TNS4: variants seen among roughly 807,000 people sequenced by gnomAD.
TNS4 encodes the protein tensin 4.
Under a neutral mutation model 70.4 loss-of-function variants are expected in TNS4, and 46 were observed. The ratio of observed to expected loss-of-function variants is 0.65; its 90% CI spans 0.52 to 0.84. The LOEUF (loss-of-function observed/expected upper bound fraction) is 0.84, where lower values mean the gene tolerates loss of function less well. Among genes scored for constraint, TNS4 ranks in the 40% least tolerant of loss-of-function variants. The pLI is 0.00. For missense variants in TNS4, 863 were observed against 907.0 expected (o/e 0.95, Z 0.62); for synonymous variants, 390 against 366.6 (o/e 1.06, Z -0.73).
chr17:40,478,697 G>T (rs978721764), intron 10 of TNS4, 49 bp from the exon 11 acceptor site: 1 of 1,594,434 alleles, frequency 6.3e-7, no homozygotes, highest in Non-Finnish European at 8.6e-7. Context: ...CTGTCCCAGT[G>T]TCATCCTGCC....
intron 2 of TNS4, among the ~76,000 whole-genome samples, chr17:40,489,249 G>C (rs1490623857): frequency 2.0e-5 from 3 of 152,144 alleles, no homozygotes; most frequent in Non-Finnish European, 1.5e-5. Flanking sequence ...TTTTCTGAGA[G>C]AGTTTGGCCA....
At chr17:40,484,365 G>A in intron 6 of TNS4, 119 bp downstream of exon 6, 2 of 1,450,836 alleles carry the variant, frequency 1.4e-6, no homozygotes, top group African/African-American at 1.4e-5. Flanking sequence ...CTTCTCCTAG[G>A]AGCTGTTATA....
Position 40,487,278 on chromosome 17 carries a change from T to C in TNS4, c.1046A>G (p.His349Arg), listed in dbSNP as rs748366999. The C allele has an allele frequency of 3.1e-6, 5 of 1,613,144 alleles. No homozygotes were observed. Among genetic ancestry groups the C allele is most frequent in the Middle Eastern group, 3.3e-4 (2 of 6,062 alleles). ...TLTMGQPRTPHSPPLAKEHAS... is the reference protein window; with the variant it reads ...TLTMGQPRTPRSPPLAKEHAS... ...ATGTTCTTTGGCCAGTGGTGGAGAG[T>C]GGGGTGTTCTGGGTTGGCCCATGGT... Residue 349 changes from histidine (H) to arginine (R), a missense_variant, in exon 4 of 13, where the codon CAC becomes CGC. His to Arg is a conservative substitution (Grantham distance 29). Coordinates refer to ENST00000254051, the MANE Select transcript of TNS4 (RefSeq NM_032865.6).
intron 2 of TNS4, among the ~76,000 whole-genome samples, chr17:40,492,962 G>A (rs530794738): frequency 2.1e-4 from 32 of 152,030 alleles, no homozygotes; most frequent in East Asian, 1.9e-4. Context: ...TATGAGAATC[G>A]CTTGAACCTG....
At chr17:40,493,509 C>T (rs1010595497) in intron 2 of TNS4, among the ~76,000 whole-genome samples, 10 of 152,148 alleles carry the variant, frequency 6.6e-5, no homozygotes, top group Non-Finnish European at 8.8e-5. Flanking sequence ...GAGAACTTCC[C>T]AGTGGGGAGC....
rs779575031 is a variant in TNS4, at chr17:40,488,662, C to T, written c.747G>A (p.Pro249=). ...TCTCCAGTCTTGGAGAAGCCACCAG[C>T]GGGGAGCCCAAACCATGGGGGCTCG... ...KASSPHGLGS[P]LVASPRLEKR... The change falls in exon 3 of 13, where the codon CCG becomes CCA. Residue 249 remains proline, a synonymous_variant. Transcript: ENST00000254051. 105 of 1,561,580 alleles carry T rather than the reference C, an allele frequency of 6.7e-5. No individual in the cohort carries two copies. The highest frequency in any genetic ancestry group is 9.0e-5 in the East Asian group (4 of 44,260).
chr17:40,496,056 C>A lies in TNS4; in HGVS notation c.370G>T (p.Gly124Trp). The change falls in exon 2 of 13, where the codon GGG becomes TGG. Residue 124 changes from glycine (G) to tryptophan (W), a missense_variant. By Grantham distance (184) the Gly-to-Trp change is radical. Transcript: ENST00000254051. ...PTFQLLPPGT[G>W]GSQAELAQST... ...TGGGCCAGCTCAGCCTGGGAGCCCCCAGTCCCTGGGGGAAGCAGCTGGAAG... is the reference window on the plus strand; with the variant it reads ...TGGGCCAGCTCAGCCTGGGAGCCCCAAGTCCCTGGGGGAAGCAGCTGGAAG... 1 of 1,613,520 alleles carries A rather than the reference C, an allele frequency of 6.2e-7. No homozygotes were observed. Among genetic ancestry groups the A allele is most frequent in the Non-Finnish European group, 8.5e-7 (1 of 1,179,794 alleles).
Position 40,496,071 on chromosome 17 carries a change from G to A in TNS4, c.355C>T (p.Leu119Phe). Residue 119 changes from leucine (L) to phenylalanine (F), a missense_variant, in exon 2 of 13, where the codon CTT becomes TTT. Leu to Phe is a conservative substitution (Grantham distance 22). Coordinates refer to ENST00000254051, the MANE Select transcript of TNS4 (RefSeq NM_032865.6). The stretch of plus-strand genomic sequence containing the variant: ...TGGGAGCCCCCAGTCCCTGGGGGAA[G>A]CAGCTGGAAGGTGGGGTCCAGTTCC... Reference protein sequence around the residue: ...ILELDPTFQLLPPGTGGSQAE... With the variant: ...ILELDPTFQLFPPGTGGSQAE... The A allele has an allele frequency of 1.2e-6, 2 of 1,613,246 alleles. No individual in the cohort carries two copies. The highest frequency in any genetic ancestry group is 8.5e-7 in the Non-Finnish European group (1 of 1,179,736).
rs560952539 is a variant in TNS4, at chr17:40,479,835, G to A, written c.1749C>T (p.His583=). 4 of 1,610,308 alleles carry A rather than the reference G, an allele frequency of 2.5e-6. No homozygotes were observed. In the Admixed American group the frequency reaches 5.0e-5, roughly 20 times the overall value. Residue 583 remains histidine (H), a synonymous_variant, in exon 10 of 13, where the codon CAC becomes CAT. Transcript: ENST00000254051. ...ASCQKKSAGC[H]TLYLSSVSVE... ...CGCTCACTGAGCTCAGGTACAGGGT[G>A]TGGCAGCCTGTGGGAGGCAGACACT...
chr17:40,494,407 A>G (rs1414835183), intron 2 of TNS4, among the ~76,000 whole-genome samples: 1 of 152,176 alleles, frequency 6.6e-6, no homozygotes, highest in Non-Finnish European at 1.5e-5. Context: ...ACTTAACCCC[A>G]GCAACCCCAG....
chr17:40,495,695 C>T (rs573386878), intron 2 of TNS4, among the ~76,000 whole-genome samples: 1 of 152,212 alleles, frequency 6.6e-6, no homozygotes, highest in South Asian at 2.1e-4. Context: ...TTTATGGGCA[C>T]GGCACTGCAC....
Position 40,488,959 on chromosome 17 carries a change from G to A in TNS4, c.450C>T (p.Tyr150=), listed in dbSNP as rs2036031345. The A allele has an allele frequency of 6.3e-7, 1 of 1,578,458 alleles. No homozygotes were observed. Among genetic ancestry groups the A allele is most frequent in the Non-Finnish European group, 8.6e-7 (1 of 1,165,502 alleles). ...KEESEALDIK[Y]IEVTSARSRC... The stretch of plus-strand genomic sequence containing the variant: ...TTGATCTGGCGGAGGTCACCTCGAT[G>A]TACTTTATGTCTTTGGGGGAGAAAA... Residue 150 remains tyrosine (Y), a synonymous_variant, in exon 3 of 13, where the codon TAC becomes TAT. Coordinates refer to ENST00000254051, the MANE Select transcript of TNS4 (RefSeq NM_032865.6).
At chr17:40,478,118 C>T (rs1364745735) in intron 12 of TNS4, 189 bp downstream of exon 12, 2 of 717,784 alleles carry the variant, frequency 2.8e-6, no homozygotes, top group Admixed American at 5.6e-5. Context: ...CTCCCAGGCT[C>T]ATGTCACCCC....
chr17:40,482,585 G>GACACACACACAC (rs3833860), intron 6 of TNS4, among the ~76,000 whole-genome samples, 169 bp from the exon 7 acceptor site: 28 of 145,106 alleles, frequency 1.9e-4, no homozygotes, highest in Admixed American at 1.1e-3. Flanking sequence ...CTCTACTAAA[G>GACACACACACAC]ACACACACAC....
intron 2 of TNS4, among the ~76,000 whole-genome samples, chr17:40,493,011 T>A (rs1254242006): frequency 2.0e-5 from 3 of 150,930 alleles, no homozygotes; most frequent in Non-Finnish European, 3.0e-5. Context: ...AAAAAAAAAA[T>A]AAGAAATTAG....
rs745866238 is a variant in TNS4, at chr17:40,477,653, C to T, written c.2083G>A (p.Val695Ile). Residue 695 changes from valine to isoleucine, a missense_variant, in exon 13 of 13, where the codon GTC (valine) becomes ATC (isoleucine). Physicochemically the swap from Val to Ile is conservative, Grantham distance 29. Transcript: ENST00000254051. ...CCGATGACCTGCGAGGCTGGCTGGA[C>T]CATGTCATACTCCGCAAAGAGGTGG... ...VCHLFAEYDM[V>I]QPASQVIGLV... 1.2e-6 allele frequency: 2 copies of T among 1,614,132 alleles called. No homozygotes were observed. The highest frequency in any genetic ancestry group is 1.7e-6 in the Non-Finnish European group (2 of 1,180,022).
chr17:40,478,168 C>A, intron 12 of TNS4, 139 bp downstream of exon 12: 1 of 1,128,380 alleles, frequency 8.9e-7, no homozygotes, highest in Admixed American at 2.2e-5. Context: ...AAGTCTTTCC[C>A]ATCAGATGGG....
chr17:40,498,559 CTTGT>C lies in TNS4; in HGVS notation c.-95-2043_-95-2040del, dbSNP rs2036173010. 3.3e-5 allele frequency among the ~76,000 whole-genome samples: 5 copies of C among 152,118 alleles called. No individual in the cohort carries two copies. The South Asian group carries it at 8.3e-4, about 25-fold the overall frequency. On this transcript the variant is annotated intron_variant, in intron 1 of 12. Transcript: ENST00000254051. ...AGTACTGCACCCTATTGTCAGTCCTCTTGTTTTTTTTTCTTGAGACAAGGTGTCG... is the reference window on the plus strand; with the variant it reads ...AGTACTGCACCCTATTGTCAGTCCTCTTTTTTTTCTTGAGACAAGGTGTCG...
intron 1 of TNS4, among the ~76,000 whole-genome samples, chr17:40,499,997 G>A (rs1567816389): frequency 6.6e-6 from 1 of 152,226 alleles, no homozygotes; most frequent in Non-Finnish European, 1.5e-5. Context: ...CCATCTGTGT[G>A]ATGGGGATGT....
Sources: allele counts gnomAD v4.1 joint callset (sites outside exome capture counted in the v4.1 genomes callset), GRCh38; gene constraint gnomAD v4.1.1; transcripts MANE v1.5; gene names NCBI Gene and HGNC (gene_info 2026-07-23, HGNC 2026-07-21).